The following CD72 variants were observed in gnomAD, a reference collection of about 807,000 sequenced individuals.
CD72 encodes the protein CD72 molecule.
CD72 carries 28 observed loss-of-function variants against 50.7 expected under a neutral mutation model. The ratio of observed to expected loss-of-function variants is 0.55; its 90% CI spans 0.41 to 0.76. CD72 has a LOEUF of 0.76. CD72 is among the 30% of genes least tolerant of loss of function. CD72 has a pLI of 0.00. For missense variants in CD72, 403 were observed against 420.6 expected, an observed-to-expected ratio of 0.96 and a Z score of 0.37; for synonymous variants, 176 against 171.2, an observed-to-expected ratio of 1.03 and a Z score of -0.22.
chr9:35,616,256 G>C lies in CD72; in HGVS notation c.375C>G (p.Leu125=). 2 of 1,613,808 alleles carry C rather than the reference G, an allele frequency of 1.2e-6. No individual in the cohort carries two copies. Among genetic ancestry groups the C allele is most frequent in the Non-Finnish European group, 1.7e-6 (2 of 1,179,906 alleles). ...CTTCCAGAACCCTGTTCGTCTGCTG[G>C]AGCTGCTGAGACACCTGCAGATCTG... ...GVRYLQVSQQ[L]QQTNRVLEVT... The change falls in exon 5 of 9, where the codon CTC becomes CTG. Residue 125 remains leucine (L), a synonymous_variant. Transcript: ENST00000259633.
chr9:35,622,296 T>G (rs980692264), upstream of CD72, among the ~76,000 whole-genome samples: 12 of 152,216 alleles, frequency 7.9e-5, no homozygotes, highest in African/African-American at 2.9e-4. Flanking sequence ...CTTTGATCAC[T>G]GAAGCCAAAG....
At chr9:35,616,984 C>T in intron 3 of CD72, 192 bp downstream of exon 3, 1 of 1,442,188 alleles carries the variant, frequency 6.9e-7, no homozygotes, top group South Asian at 1.5e-5. Context: ...TGGGACCATC[C>T]GCAGGGGGGC....
intron 1 of CD72, among the ~76,000 whole-genome samples, chr9:35,627,621 C>G (rs1823208065): frequency 1.3e-5 from 2 of 152,066 alleles, no homozygotes; most frequent in South Asian, 4.1e-4. Flanking sequence ...GGAAAGAACC[C>G]AGTTATCAGA....
At chr9:35,610,783 T>C in intron 7 of CD72, 30 bp from the exon 8 acceptor site, 1 of 1,586,332 alleles carries the variant, frequency 6.3e-7, no homozygotes, top group Non-Finnish European at 8.6e-7. Context: ...AGCTGGGATA[T>C]GCTCTGGACA....
chr9:35,610,905 A>G, intron 7 of CD72, 152 bp from the exon 8 acceptor site: 1 of 545,926 alleles, frequency 1.8e-6, no homozygotes, highest in South Asian at 2.4e-5. Context: ...CTGGAGTTCA[A>G]CTAAAACAGA....
chr9:35,639,638 T>C (rs142193454), intron 1 of CD72, among the ~76,000 whole-genome samples: 2 of 152,346 alleles, frequency 1.3e-5, no homozygotes, highest in Non-Finnish European at 1.5e-5. Flanking sequence ...AGAGGTCATC[T>C]GTCCTCCTGT....
chr9:35,617,301 T>C, intron 2 of CD72, 54 bp from the exon 3 acceptor site: 1 of 1,497,492 alleles, frequency 6.7e-7, no homozygotes, highest in South Asian at 1.3e-5. Flanking sequence ...TTGCCCCTTC[T>C]CCTCCTGCGC....
chr9:35,626,163 G>A lies in CD72; in HGVS notation n.409-8042C>T, dbSNP rs1452269237. On this transcript the variant is annotated intron_variant and non_coding_transcript_variant, in intron 1 of 3. Transcript: ENST00000465754. The stretch of plus-strand genomic sequence containing the variant: ...TCTAGATACAATTAAAAACATTCAC[G>A]ACTCATGGGAGGGGGTCAAAATATC... 2.7e-5 allele frequency among the ~76,000 whole-genome samples: 4 copies of A among 150,890 alleles called. No homozygotes were observed. The East Asian group carries it at 5.8e-4, about 22-fold the overall frequency.
chr9:35,611,619 T>A (rs1822986278), intron 7 of CD72, among the ~76,000 whole-genome samples, 185 bp downstream of exon 7: 1 of 152,152 alleles, frequency 6.6e-6, no homozygotes, highest in Non-Finnish European at 1.5e-5. Context: ...TAGGTGGAAA[T>A]AGAATGGAGA....
intron 1 of CD72, among the ~76,000 whole-genome samples, chr9:35,630,377 T>C (rs1030726430): frequency 6.6e-6 from 1 of 152,212 alleles, no homozygotes; most frequent in African/African-American, 2.4e-5. Flanking sequence ...CTATTTTCCC[T>C]ATCAAAATCT....
chr9:35,626,767 A>G (rs552288577), intron 1 of CD72, among the ~76,000 whole-genome samples: 29 of 152,352 alleles, frequency 1.9e-4, no homozygotes, highest in African/African-American at 7.0e-4. Flanking sequence ...TTTTTTAACA[A>G]TAAGGTATTT....
chr9:35,642,367 G>A (rs1823348331), intron 1 of CD72: 2 of 152,208 alleles, frequency 1.3e-5, no homozygotes, highest in South Asian at 2.1e-4. Flanking sequence ...GTCTCCTTTA[G>A]CAGTGAGTAT....
rs74176726 is a variant in CD72 at position 35,644,350 on chromosome 9, C to CAAAAAAAAAAAAAAAAAAAAA, written n.408+2032_408+2052dup. Among the ~76,000 whole-genome samples, 2 of 68,194 alleles carry CAAAAAAAAAAAAAAAAAAAAA rather than the reference C, an allele frequency of 2.9e-5. 1 individual carries two copies. Among genetic ancestry groups the CAAAAAAAAAAAAAAAAAAAAA allele is most frequent in the Non-Finnish European group, 5.1e-5 (2 of 38,988 alleles). 44.7% of individuals were successfully genotyped at this position (68,194 alleles called of 152,430 possible). ...GGGCAACAAGAGTGAAACTCTGTCT[C>CAAAAAAAAAAAAAAAAAAAAA]AAAAAAAAAAAAAAAAAAAAAAAAA... On this transcript the variant is annotated intron_variant and non_coding_transcript_variant, in intron 1 of 3. Transcript: ENST00000465754.
At chr9:35,613,078 G>A in intron 5 of CD72, 85 bp from the exon 6 acceptor site, 1 of 1,191,208 alleles carries the variant, frequency 8.4e-7, no homozygotes, top group Non-Finnish European at 1.2e-6. Context: ...TATTCCCCCA[G>A]AGCTAATCTC....
At chr9:35,636,925 C>T (rs1475054856) in intron 1 of CD72, among the ~76,000 whole-genome samples, 2 of 152,200 alleles carry the variant, frequency 1.3e-5, no homozygotes, top group East Asian at 1.9e-4. Flanking sequence ...GTTAAAATAG[C>T]CAGTTCCTGC....
intron 7 of CD72, among the ~76,000 whole-genome samples, chr9:35,611,060 A>G (rs553958924): frequency 5.9e-5 from 9 of 152,194 alleles, no homozygotes; most frequent in Non-Finnish European, 8.8e-5. Context: ...GACCATCCTG[A>G]CTAACACGGT....
chr9:35,637,344 T>C (rs1823300001), intron 1 of CD72, among the ~76,000 whole-genome samples: 1 of 152,200 alleles, frequency 6.6e-6, no homozygotes, highest in Non-Finnish European at 1.5e-5. Flanking sequence ...TGCATGGCAT[T>C]TGGTGCTGAA....
intron 1 of CD72, among the ~76,000 whole-genome samples, chr9:35,628,655 G>A (rs892284184): frequency 2.0e-5 from 3 of 152,220 alleles, no homozygotes; most frequent in Non-Finnish European, 4.4e-5. Flanking sequence ...TCTCTGGTAG[G>A]TGAGCAGAGC....
At chr9:35,618,705 A>G (rs768471888), upstream of CD72, 270 of 1,134,698 alleles carry the variant, frequency 2.4e-4, no homozygotes, top group Admixed American at 2.7e-4. Flanking sequence ...TGCCTTGTCC[A>G]CTGGGGCTTA....
Sources: allele counts gnomAD v4.1 joint callset (sites outside exome capture counted in the v4.1 genomes callset), GRCh38; gene constraint gnomAD v4.1.1; transcripts MANE v1.5; gene names NCBI Gene and HGNC (gene_info 2026-07-23, HGNC 2026-07-21).